The following DTNA variants were observed in gnomAD, a reference collection of about 807,000 sequenced individuals.
The protein encoded by DTNA is dystrobrevin alpha.
In DTNA, 43 loss-of-function variants were observed where a neutral mutation model predicts 100.7. That is an observed-to-expected ratio of 0.43 (90% CI 0.33 to 0.55). DTNA has a LOEUF of 0.55. Among genes scored for constraint, DTNA ranks in the 20% least tolerant of loss-of-function variants. The pLI, the probability that DTNA is intolerant of heterozygous loss-of-function variation, is 0.04. For missense variants in DTNA, 798 were observed against 953.9 expected (o/e 0.84, Z 2.15); for synonymous variants, 349 against 347.9 (o/e 1.00, Z -0.04).
At chr18:34,600,845 C>T (rs1010836314) in intron 1 of DTNA, among the ~76,000 whole-genome samples, 21 of 152,214 alleles carry the variant, frequency 1.4e-4, no homozygotes, top group Non-Finnish European at 2.9e-5. Flanking sequence ...GTTTCCTTCT[C>T]ACTTATACAA....
chr18:34,728,551 A>G (rs1305637216), intron 1 of DTNA, among the ~76,000 whole-genome samples: 1 of 152,136 alleles, frequency 6.6e-6, no homozygotes, highest in East Asian at 1.9e-4. Flanking sequence ...AATATTATAA[A>G]ATAAAGTATT....
At chr18:34,757,008 G>C (rs2092822993) in intron 2 of DTNA, 1 of 152,158 alleles carries the variant, frequency 6.6e-6, no homozygotes, top group African/African-American at 2.4e-5. Context: ...ACAGAAAAAG[G>C]AAAGTCCCAG....
chr18:34,816,146 A>T, intron 7 of DTNA, 132 bp downstream of exon 7: 1 of 858,084 alleles, frequency 1.2e-6, no homozygotes, highest in Non-Finnish European at 1.9e-6. Context: ...TTTAGGGTAG[A>T]ACTAACCCAT....
At chr18:34,824,169 T>C (rs2095795567) in intron 9 of DTNA, among the ~76,000 whole-genome samples, 1 of 152,166 alleles carries the variant, frequency 6.6e-6, no homozygotes, top group South Asian at 2.1e-4. Flanking sequence ...CATCTTGCTG[T>C]TTAATGATTG....
At chr18:34,858,490 G>C in intron 16 of DTNA, 92 bp downstream of exon 16, 1 of 1,244,348 alleles carries the variant, frequency 8.0e-7, no homozygotes, top group East Asian at 2.4e-5. Context: ...ACAGTCCTCA[G>C]CTACCTTAGC....
intron 3 of DTNA, among the ~76,000 whole-genome samples, chr18:34,770,657 C>T (rs2093716693): frequency 6.6e-6 from 1 of 152,094 alleles, no homozygotes; most frequent in South Asian, 2.1e-4. Flanking sequence ...AGGCCCAGAA[C>T]CTACTTTTTT....
At chr18:34,850,834 T>C (rs1222405505) in intron 14 of DTNA, among the ~76,000 whole-genome samples, 1 of 152,138 alleles carries the variant, frequency 6.6e-6, no homozygotes, top group Non-Finnish European at 1.5e-5. Flanking sequence ...CAGATATATA[T>C]ATATGGCATA....
Position 34,806,273 on chromosome 18 carries a change from G to T in DTNA, c.417G>T (p.Leu139Phe), listed in dbSNP as rs1458796942. ...CTGTCAAAATGGCTTTAGCCACATT[G>T]TGTGGAGGGAAGATCATGGACAAAT... ...VFAVKMALAT[L>F]CGGKIMDKLR... The change falls in exon 5 of 23, where the codon TTG (leucine) becomes TTT (phenylalanine). Residue 139 changes from leucine to phenylalanine, a missense_variant. By Grantham distance (22) the Leu-to-Phe change is conservative (BLOSUM62 0). Around this residue, in one of 6 missense-constraint regions of DTNA, gnomAD observed 197 missense variants for 215.4 expected, o/e 0.91. Transcript: ENST00000444659. The T allele has an allele frequency of 6.2e-7, 1 of 1,613,790 alleles. No homozygotes were observed. Among genetic ancestry groups the T allele is most frequent in the Non-Finnish European group, 8.5e-7 (1 of 1,179,934 alleles).
intron 1 of DTNA, among the ~76,000 whole-genome samples, chr18:34,627,820 A>G (rs930663912): frequency 6.6e-6 from 1 of 151,990 alleles, no homozygotes; most frequent in African/African-American, 2.4e-5. Context: ...AATATGAAAG[A>G]TTTTCTTTAA....
At position 34,562,213 on chromosome 18, in the gene DTNA, C is replaced by A. The variant is rs541524995; in HGVS notation, c.-2+68699C>A. The stretch of plus-strand genomic sequence containing the variant: ...ACTAAAAATCTCCTTTAAAAGAATA[C>A]ATACACATAAATACACACACATACA... On this transcript the variant is annotated intron_variant, in intron 1 of 19. Coordinates refer to the DTNA transcript ENST00000283365. Among the ~76,000 whole-genome samples the A allele has an allele frequency of 7.9e-5, 12 of 152,296 alleles. No individual in the cohort carries two copies. The South Asian group carries it at 2.5e-3, about 32-fold the overall frequency.
intron 1 of DTNA, among the ~76,000 whole-genome samples, chr18:34,640,480 A>AC (rs2148340657): frequency 1.3e-5 from 2 of 152,322 alleles, no homozygotes; most frequent in South Asian, 4.1e-4. Flanking sequence ...TGTCAGCAAA[A>AC]ATACCTAATG....
chr18:34,853,771 TA>T lies in DTNA; in HGVS notation c.1532+1852del, dbSNP rs952976125. 2.8e-4 allele frequency among the ~76,000 whole-genome samples: 42 copies of T among 151,258 alleles called. No individual in the cohort carries two copies. In the East Asian group the frequency reaches 5.2e-3, roughly 19 times the overall value. On this transcript the variant is annotated intron_variant, in intron 15 of 22. Transcript: ENST00000444659. ...AGAGCAGATGCATAGTGACGAATTA[TA>T]AAAAAAAATAGCCATACAAATTGGA...
intron 3 of DTNA, among the ~76,000 whole-genome samples, chr18:34,784,828 G>A (rs1339350622): frequency 6.6e-6 from 1 of 151,768 alleles, no homozygotes; most frequent in Non-Finnish European, 1.5e-5. Context: ...CTAGCTGCTT[G>A]TTCCATTTCC....
chr18:34,636,956 T>G (rs2058730486), intron 1 of DTNA, among the ~76,000 whole-genome samples: 1 of 152,200 alleles, frequency 6.6e-6, no homozygotes, highest in South Asian at 2.1e-4. Flanking sequence ...AATAGGAGAC[T>G]CTGTCATTGA....
chr18:34,600,934 C>CAA (rs1433857668), intron 1 of DTNA, among the ~76,000 whole-genome samples: 1 of 152,208 alleles, frequency 6.6e-6, no homozygotes, highest in Non-Finnish European at 1.5e-5. Flanking sequence ...TCCTTATACT[C>CAA]ACATTCCCTT....
At chr18:34,561,854 TA>T (rs1429797423) in intron 1 of DTNA, among the ~76,000 whole-genome samples, 1 of 152,220 alleles carries the variant, frequency 6.6e-6, no homozygotes, top group Admixed American at 6.5e-5. Flanking sequence ...TTTATTGATT[TA>T]GTAATAAATT....
At chr18:34,669,114 A>G (rs1245905427) in intron 1 of DTNA, among the ~76,000 whole-genome samples, 2 of 152,144 alleles carry the variant, frequency 1.3e-5, no homozygotes, top group Non-Finnish European at 2.9e-5. Context: ...GGGCTCCTGT[A>G]TTGGGTGCAT....
intron 17 of DTNA, among the ~76,000 whole-genome samples, chr18:34,869,981 A>AC (rs2096748977): frequency 6.6e-6 from 1 of 152,242 alleles, no homozygotes; most frequent in Non-Finnish European, 1.5e-5. Flanking sequence ...AGATCGTGCC[A>AC]CTGCACTCCA....
intron 1 of DTNA, among the ~76,000 whole-genome samples, chr18:34,568,596 C>A (rs892179198): frequency 7.2e-5 from 11 of 151,790 alleles, no homozygotes; most frequent in Non-Finnish European, 1.0e-4. Flanking sequence ...AAAATTTATC[C>A]CTAAAGCATT....
Sources: gnomAD v4.1 joint callset for allele counts (sites outside exome capture counted in the v4.1 genomes callset) on GRCh38, gnomAD v4.1.1 for gene constraint, gnomAD v4.1.1 regional missense constraint, MANE v1.5 for transcripts, NCBI Gene and HGNC (gene_info 2026-07-23, HGNC 2026-07-21) for gene names.